NAA11: variants seen among roughly 807,000 people sequenced by gnomAD.
NAA11 encodes N-alpha-acetyltransferase 11.
NAA11 carries 15 observed loss-of-function variants against 16.1 expected under a neutral mutation model. The observed-to-expected ratio is 0.93, with a 90% confidence interval of 0.62 to 1.44. The LOEUF is 1.44. Among genes scored for constraint, NAA11 ranks in the 40% most tolerant of loss-of-function variants. The pLI is 0.00. For missense variants in NAA11, 298 were observed against 291.3 expected, an observed-to-expected ratio of 1.02 and a Z score of -0.17; for synonymous variants, 122 against 112.4, an observed-to-expected ratio of 1.09 and a Z score of -0.54.
At chr4:79,286,937 CA>C (rs1443093096) in intron 2 of NAA11, among the ~76,000 whole-genome samples, 1 of 151,928 alleles carries the variant, frequency 6.6e-6, no homozygotes, top group South Asian at 2.1e-4. Flanking sequence ...CATGTTGCTA[CA>C]AAAAAATTCT....
chr4:79,325,073 C>A, intron 1 of NAA11, 103 bp downstream of exon 1: 1 of 1,088,710 alleles, frequency 9.2e-7, no homozygotes, highest in South Asian at 1.7e-5. Context: ...ACCGTAAAAT[C>A]TCGCAGGGCC....
chr4:79,223,705 G>A (rs1035560639), downstream of NAA11, among the ~76,000 whole-genome samples: 1 of 149,300 alleles, frequency 6.7e-6, no homozygotes, highest in Admixed American at 6.7e-5. Context: ...AGTATATCCC[G>A]CCTAGGAGGT....
At chr4:79,268,754 A>G (rs1042539830) in intron 2 of NAA11, among the ~76,000 whole-genome samples, 147 of 151,798 alleles carry the variant, frequency 9.7e-4, no homozygotes, top group African/African-American at 3.2e-3. Context: ...ACATTGTGCA[A>G]GTTAGTTACA....
In NAA11 at chr4:79,325,966, C is replaced by T; in HGVS notation, c.-89G>A. On this transcript the variant is annotated 5_prime_UTR_variant, in exon 1 of 2. Transcript: ENST00000286794. Reference sequence around the variant, plus strand: ...AAGGGGCACTGTTTGCCTCAGGAATCGAGTCCAGGGGGCTAACACCACCGG... The same window carrying T: ...AAGGGGCACTGTTTGCCTCAGGAATTGAGTCCAGGGGGCTAACACCACCGG... 5 of 1,193,686 alleles carry T rather than the reference C, an allele frequency of 4.2e-6. No homozygotes were observed. Among genetic ancestry groups the T allele is most frequent in the Non-Finnish European group, 5.9e-6 (5 of 849,568 alleles). The allele number at this position is 1,193,686 out of a possible 1,614,324, so 73.9% of individuals were successfully genotyped here. A position where few individuals can be genotyped will look rare whatever the true frequency, so the allele number is the denominator to read the frequency against.
At chr4:79,273,402 G>A (rs1722546312) in intron 2 of NAA11, among the ~76,000 whole-genome samples, 1 of 151,944 alleles carries the variant, frequency 6.6e-6, no homozygotes. Flanking sequence ...CATAAATTCA[G>A]GTGCAGCAGG....
intron 2 of NAA11, among the ~76,000 whole-genome samples, chr4:79,275,299 A>G (rs976191883): frequency 2.0e-5 from 3 of 152,078 alleles, no homozygotes; most frequent in African/African-American, 7.2e-5. Context: ...CTGTCTCTGA[A>G]TACAGTTGTC....
chr4:79,202,623 T>TTATATA, the NAA11 span, among the ~76,000 whole-genome samples: 234 of 52,632 alleles, frequency 4.4e-3, 20 homozygotes, highest in South Asian at 0.014. Context: ...ATATATAGTT[T>TTATATA]TATATATATA....
At chr4:79,224,573 T>C (rs558587452), downstream of NAA11, among the ~76,000 whole-genome samples, 1 of 152,114 alleles carries the variant, frequency 6.6e-6, no homozygotes, top group East Asian at 1.9e-4. Flanking sequence ...TGAGAAGTAT[T>C]TGCTGAGAAA....
chr4:79,168,618 C>T, the NAA11 span, among the ~76,000 whole-genome samples: 2 of 152,168 alleles, frequency 1.3e-5, no homozygotes, highest in East Asian at 3.8e-4. Flanking sequence ...TCTCTAATGA[C>T]TAGTGATGAT....
intron 2 of NAA11, among the ~76,000 whole-genome samples, chr4:79,248,242 C>T (rs909457441): frequency 3.9e-5 from 6 of 152,104 alleles, no homozygotes; most frequent in South Asian, 2.1e-4. Context: ...TCCAGCAGAA[C>T]GGCCTCCCCA....
chr4:79,189,145 CAAAA>C, the NAA11 span, among the ~76,000 whole-genome samples: 3 of 42,280 alleles, frequency 7.1e-5, no homozygotes, highest in Non-Finnish European at 9.5e-5. Context: ...GACTCCATCT[CAAAA>C]AAAAAAAAAA....
chr4:79,274,196 A>C (rs1722565716), intron 2 of NAA11, among the ~76,000 whole-genome samples: 1 of 152,082 alleles, frequency 6.6e-6, no homozygotes, highest in South Asian at 2.1e-4. Context: ...ACTCTTGGCT[A>C]TGAGTAATGC....
intron 2 of NAA11, among the ~76,000 whole-genome samples, chr4:79,246,195 C>T (rs1214439807): frequency 6.6e-6 from 1 of 151,958 alleles, no homozygotes; most frequent in Non-Finnish European, 1.5e-5. Context: ...TAAGAGTCAT[C>T]ACCACTCCCT....
Position 79,325,730 on chromosome 4 carries a change from C to G in NAA11, c.148G>C (p.Gly50Arg). The G allele has an allele frequency of 6.2e-7, 1 of 1,614,164 alleles. No individual in the cohort carries two copies. The highest frequency in any genetic ancestry group is 8.5e-7 in the Non-Finnish European group (1 of 1,180,028). Residue 50 changes from glycine (G) to arginine (R), a missense_variant, in exon 1 of 2, where the codon GGG (glycine) becomes CGG (arginine). Physicochemically the swap from Gly to Arg is moderately radical, Grantham distance 125. Transcript: ENST00000286794. ...QLSYIAEDED[G>R]KIVGYVLAKM... The stretch of plus-strand genomic sequence containing the variant: ...GCCAGAACATAGCCCACAATCTTCC[C>G]GTCCTCATCCTCAGCGATGTAAGAA...
At chr4:79,237,493 A>C (rs987507473) in intron 2 of NAA11, among the ~76,000 whole-genome samples, 1 of 152,186 alleles carries the variant, frequency 6.6e-6, no homozygotes, top group Non-Finnish European at 1.5e-5. Context: ...AGCTTTATTG[A>C]AGTATAATAC....
At chr4:79,161,914 C>T in the NAA11 span, among the ~76,000 whole-genome samples, 1 of 152,166 alleles carries the variant, frequency 6.6e-6, no homozygotes, top group Non-Finnish European at 1.5e-5. Context: ...AACTCCTGAC[C>T]TCATGATCTG....
chr4:79,228,565 G>C (rs1020801721), intron 2 of NAA11, among the ~76,000 whole-genome samples: 1 of 128,830 alleles, frequency 7.8e-6, no homozygotes. Context: ...GAATTATATT[G>C]TATGTAGCTT....
chr4:79,243,541 C>T (rs558303409), intron 2 of NAA11, among the ~76,000 whole-genome samples: 9 of 151,902 alleles, frequency 5.9e-5, no homozygotes, highest in African/African-American at 2.2e-4. Context: ...TCTTTTGTGT[C>T]TTAATCACCA....
At chr4:79,177,172 C>T in the NAA11 span, among the ~76,000 whole-genome samples, 1 of 150,280 alleles carries the variant, frequency 6.7e-6, no homozygotes, top group African/African-American at 2.5e-5. Flanking sequence ...ATTTTTTTTA[C>T]CAAGGCAGTG....
Sources: gnomAD v4.1 joint callset for allele counts (sites outside exome capture counted in the v4.1 genomes callset) on GRCh38, gnomAD v4.1.1 for gene constraint, MANE v1.5 for transcripts, NCBI Gene and HGNC (gene_info 2026-07-23, HGNC 2026-07-21) for gene names.